Variants in CYP11B1 observed in about 807,000 individuals in gnomAD.
CYP11B1 encodes cytochrome P450 family 11 subfamily B member 1, also known as cytochrome P450 11B1, mitochondrial.
CYP11B1 carries 34 observed loss-of-function variants against 48.3 expected under a neutral mutation model. The ratio of observed to expected loss-of-function variants is 0.70; its 90% CI spans 0.54 to 0.94. The LOEUF is 0.94. CYP11B1 is among the 40% of genes least tolerant of loss of function. The pLI is 0.00. For synonymous variants in CYP11B1, 291 were observed against 262.5 expected (o/e 1.11, Z -1.05); for missense variants, 688 against 657.4 (o/e 1.05, Z -0.51).
Position 142,879,785 on chromosome 8 carries a change from C to T in CYP11B1, c.29G>A (p.Cys10Tyr), listed in dbSNP as rs6405. Residue 10 changes from cysteine (C) to tyrosine (Y), a missense_variant, in exon 1 of 9, where the codon TGC becomes TAC. By Grantham distance (194) the Cys-to-Tyr change is radical. Transcript: ENST00000292427. ...CAGGGACAGCCAGGGCACTGCCATG[C>T]ACACCTCTGCCTTTGCCCTGAGTGC... The part of the protein sequence containing the change: MALRAKAEV[C>Y]MAVPWLSLQR... 126 of 1,614,074 alleles carry T rather than the reference C, an allele frequency of 7.8e-5. No individual in the cohort carries two copies. In the African/African-American group the frequency reaches 1.4e-3, roughly 18 times the overall value.
rs1444172332 is a variant in CYP11B1 at position 142,877,736 on chromosome 8, T to G, written c.396-514A>C. ...CTTCTGCAGGACAGAAACCAAGCTT[T>G]GTGCTTCATGCCATCCTCACCTACA... On this transcript the variant is annotated intron_variant, in intron 2 of 8. Transcript: ENST00000292427. The G allele has an allele frequency of 3.1e-6, 5 of 1,594,946 alleles. No homozygotes were observed. In the Admixed American group the frequency reaches 8.3e-5, roughly 27 times the overall value.
intron 2 of CYP11B1, 111 bp downstream of exon 2, chr8:142,878,921 A>G (rs1817051765): frequency 2.0e-6 from 3 of 1,497,416 alleles, no homozygotes; most frequent in East Asian, 2.5e-5. Flanking sequence ...GCTCACCCTC[A>G]CTGCCCACCA....
rs104894070 is a variant in CYP11B1 at position 142,879,146 on chromosome 8, G to T, written c.281C>A (p.Pro94Gln). Residue 94 changes from proline to glutamine, a missense_variant, in exon 2 of 9, where the codon CCG becomes CAG. Pro to Gln is a moderately conservative substitution (Grantham distance 76). Coordinates refer to ENST00000292427, the MANE Select transcript of CYP11B1 (RefSeq NM_000497.4). ...GGAGMVCVML[P>Q]EDVEKLQQVD... ...CTGTTGCAGCTTCTCCACGTCCTCCGGCAGCATCACACACACCATGCCTGC... is the reference window on the plus strand; with the variant it reads ...CTGTTGCAGCTTCTCCACGTCCTCCTGCAGCATCACACACACCATGCCTGC... The T allele has an allele frequency of 2.5e-6, 4 of 1,613,822 alleles. No individual in the cohort carries two copies. The highest frequency in any genetic ancestry group is 3.4e-6 in the Non-Finnish European group (4 of 1,179,834).
chr8:142,875,368 T>C, intron 6 of CYP11B1, 56 bp from the exon 7 acceptor site: 1 of 1,534,788 alleles, frequency 6.5e-7, no homozygotes, highest in Non-Finnish European at 8.9e-7. Flanking sequence ...CTTCCTGTGC[T>C]CTCTGCACCC....
chr8:142,879,719 G>A lies in CYP11B1; in HGVS notation c.95C>T (p.Pro32Leu). 6.2e-7 allele frequency: 1 copy of A among 1,614,232 alleles called. No individual in the cohort carries two copies. The highest frequency in any genetic ancestry group is 8.5e-7 in the Non-Finnish European group (1 of 1,180,046). ...GGCTTCAAAGGGCAGCACTGTCCTG[G>A]GGACCCGGGCGGCTCTCGTGCCCAG... Reference protein sequence around the residue: ...QALGTRAARVPRTVLPFEAMP... With the variant: ...QALGTRAARVLRTVLPFEAMP... Residue 32 changes from proline to leucine, a missense_variant, in exon 1 of 9, where the codon CCC (proline) becomes CTC (leucine). By Grantham distance (98) the Pro-to-Leu change is moderately conservative. Coordinates refer to ENST00000292427, the MANE Select transcript of CYP11B1 (RefSeq NM_000497.4).
chr8:142,876,593 C>G, intron 4 of CYP11B1, 89 bp downstream of exon 4: 2 of 1,557,008 alleles, frequency 1.3e-6, no homozygotes, highest in Non-Finnish European at 1.7e-6. Context: ...CTCCCTGTGG[C>G]CTCCATTCCC....
chr8:142,874,048 A>G lies in CYP11B1; in HGVS notation c.*325T>C, dbSNP rs1032495694. 6.5e-5 allele frequency: 28 copies of G among 430,368 alleles called. No individual in the cohort carries two copies. Among genetic ancestry groups the G allele is most frequent in the Non-Finnish European group, 1.1e-4 (26 of 230,412 alleles). The allele number at this position is 430,368 out of a possible 1,614,324, so 26.7% of individuals were successfully genotyped here. A position where few individuals can be genotyped will look rare whatever the true frequency, so the allele number is the denominator to read the frequency against. The stretch of plus-strand genomic sequence containing the variant: ...GGAAGGCAAGGGACAAAACCACAGC[A>G]CCCTTGTATGGCCACACGAGGAGCC... On this transcript the variant is annotated 3_prime_UTR_variant, in exon 9 of 9. Coordinates refer to ENST00000292427, the MANE Select transcript of CYP11B1 (RefSeq NM_000497.4).
chr8:142,875,998 G>A, intron 5 of CYP11B1, 120 bp from the exon 6 acceptor site: 3 of 1,306,952 alleles, frequency 2.3e-6, no homozygotes, highest in Non-Finnish European at 3.3e-6. Flanking sequence ...GAACGACAGA[G>A]CCCAAGACTT....
chr8:142,875,983 C>A, intron 5 of CYP11B1, 105 bp from the exon 6 acceptor site: 2 of 1,429,366 alleles, frequency 1.4e-6, no homozygotes, highest in South Asian at 1.2e-5. Context: ...ACATGCATAC[C>A]CTGAGAACGA....
Position 142,879,717 on chromosome 8 carries a change from TG to T in CYP11B1, c.96del (p.Arg33GlyfsTer18), listed in dbSNP as rs768007725. 3 of 1,614,226 alleles carry T rather than the reference TG, an allele frequency of 1.9e-6. No homozygotes were observed. The highest frequency in any genetic ancestry group is 2.2e-5 in the East Asian group (1 of 44,884). ...QALGTRAARV[P>X]RTVLPFEAMP... is the part of the protein sequence containing the mutation. The stretch of plus-strand genomic sequence containing the variant: ...ATGGCTTCAAAGGGCAGCACTGTCC[TG>T]GGGACCCGGGCGGCTCTCGTGCCCA... On this transcript the variant is annotated frameshift_variant, in exon 1 of 9. Transcript: ENST00000292427. LOFTEE classifies it high-confidence loss of function.
chr8:142,874,915 C>T (rs1289982091), intron 8 of CYP11B1, 42 bp downstream of exon 8: 1 of 1,608,536 alleles, frequency 6.2e-7, no homozygotes, highest in East Asian at 2.2e-5. Context: ...CCCATGCTGC[C>T]CAGACCCCGC....
rs200952801 is a variant in CYP11B1, at chr8:142,879,683, C to T, written c.131G>A (p.Arg44His). 4.3e-5 allele frequency: 70 copies of T among 1,614,256 alleles called. 2 individuals are homozygous for T. The highest frequency in any genetic ancestry group is 2.5e-4 in the Admixed American group (15 of 60,030). The change falls in exon 1 of 9, where the codon CGT becomes CAT. Residue 44 changes from arginine to histidine, a missense_variant. Coordinates refer to ENST00000292427, the MANE Select transcript of CYP11B1 (RefSeq NM_000497.4). ...CAGCCTCAGCCACCTGTTGCCTGGACGCCGGGGCATGGCTTCAAAGGGCAG... is the reference window on the plus strand; with the variant it reads ...CAGCCTCAGCCACCTGTTGCCTGGATGCCGGGGCATGGCTTCAAAGGGCAG... The part of the protein sequence containing the change: ...TVLPFEAMPR[R>H]PGNRWLRLLQ...
chr8:142,878,973 C>G (rs1817053804), intron 2 of CYP11B1, 59 bp downstream of exon 2: 3 of 1,599,786 alleles, frequency 1.9e-6, no homozygotes, highest in Admixed American at 3.5e-5. Context: ...CTGCCTCTCT[C>G]GCCTCCCCCC....
In CYP11B1 at chr8:142,879,129, G is replaced by T. The variant is rs763402949; in HGVS notation, c.298C>A (p.Leu100Met). 6.2e-7 allele frequency: 1 copy of T among 1,614,118 alleles called. No homozygotes were observed. Among genetic ancestry groups the T allele is most frequent in the Non-Finnish European group, 8.5e-7 (1 of 1,180,016 alleles). The change falls in exon 2 of 9, where the codon CTG becomes ATG. Residue 100 changes from leucine (L) to methionine (M), a missense_variant. Coordinates refer to ENST00000292427, the MANE Select transcript of CYP11B1 (RefSeq NM_000497.4). The stretch of plus-strand genomic sequence containing the variant: ...GGATGCAGGCTGTCCACCTGTTGCA[G>T]CTTCTCCACGTCCTCCGGCAGCATC... ...CVMLPEDVEK[L>M]QQVDSLHPHR...
At chr8:142,879,383 T>C (rs1030616953) in intron 1 of CYP11B1, 192 bp downstream of exon 1, 1 of 1,610,722 alleles carries the variant, frequency 6.2e-7, no homozygotes, top group Admixed American at 1.7e-5. Context: ...TGCAGCGAGC[T>C]GGGATTTGCT....
chr8:142,875,475 TA>T, intron 6 of CYP11B1, 163 bp from the exon 7 acceptor site: 1 of 1,122,624 alleles, frequency 8.9e-7, no homozygotes, highest in Admixed American at 2.0e-5. Context: ...AAACCTCCCC[TA>T]ACTTAAGCAG....
chr8:142,879,238 C>T (rs1403599388), intron 1 of CYP11B1, 51 bp from the exon 2 acceptor site: 4 of 1,612,530 alleles, frequency 2.5e-6, no homozygotes, highest in African/African-American at 1.3e-5. Flanking sequence ...TCCCCGCTAG[C>T]CCCACCCTGC....
chr8:142,879,774 G>A lies in CYP11B1; in HGVS notation c.40C>T (p.Pro14Ser), dbSNP rs779731828. The change falls in exon 1 of 9, where the codon CCC becomes TCC. Residue 14 changes from proline to serine, a missense_variant. Coordinates refer to ENST00000292427, the MANE Select transcript of CYP11B1 (RefSeq NM_000497.4). ...RAKAEVCMAV[P>S]WLSLQRAQAL... is the part of the protein sequence containing the mutation. ...TGTGCCCTTTGCAGGGACAGCCAGG[G>A]CACTGCCATGCACACCTCTGCCTTT... is the stretch of plus-strand genomic sequence containing the variant. The A allele has an allele frequency of 3.1e-6, 5 of 1,614,008 alleles. No individual in the cohort carries two copies. Among genetic ancestry groups the A allele is most frequent in the Non-Finnish European group, 4.2e-6 (5 of 1,180,044 alleles).
chr8:142,875,980 T>C, intron 5 of CYP11B1, 102 bp from the exon 6 acceptor site: 1 of 1,436,972 alleles, frequency 7.0e-7, no homozygotes, highest in Non-Finnish European at 9.7e-7. Flanking sequence ...CAGACATGCA[T>C]ACCCTGAGAA....
Sources: allele counts gnomAD v4.1 joint callset, GRCh38; gene constraint gnomAD v4.1.1; transcripts MANE v1.5; gene names NCBI Gene and HGNC (gene_info 2026-07-23, HGNC 2026-07-21).